Variants in LRP1B observed in about 807,000 individuals in gnomAD.
LRP1B encodes the protein low-density lipoprotein receptor-related protein 1B.
Under a neutral mutation model 556.6 loss-of-function variants are expected in LRP1B, and 217 were observed. The ratio of observed to expected loss-of-function variants is 0.39; its 90% confidence interval spans 0.35 to 0.44. The LOEUF (loss-of-function observed/expected upper bound fraction) is 0.44, where lower values mean the gene tolerates loss of function less well. LRP1B is among the 20% of genes least tolerant of loss of function. The pLI is 1.00. For synonymous variants in LRP1B, 2,047 were observed against 1,865.8 expected (o/e 1.10, Z -2.50); for missense variants, 5,053 against 5,620.8 (o/e 0.90, Z 3.23).
At chr2:141,706,909 AG>A (rs1185010023) in intron 2 of LRP1B, among the ~76,000 whole-genome samples, 1 of 152,126 alleles carries the variant, frequency 6.6e-6, no homozygotes, top group Non-Finnish European at 1.5e-5. Context: ...TTTCTATCTT[AG>A]GCAAAAAGCC....
chr2:140,510,660 C>T (rs887035933), intron 51 of LRP1B, among the ~76,000 whole-genome samples: 2 of 152,196 alleles, frequency 1.3e-5, no homozygotes, highest in African/African-American at 4.8e-5. Flanking sequence ...CATGTCATTA[C>T]TATTACTCTC....
intron 35 of LRP1B, among the ~76,000 whole-genome samples, chr2:140,724,341 T>C (rs1227692170): frequency 6.6e-6 from 1 of 152,068 alleles, no homozygotes; most frequent in Non-Finnish European, 1.5e-5. Flanking sequence ...AATAATAATT[T>C]TTAAAAGAAC....
At chr2:140,450,755 T>A in intron 62 of LRP1B, 94 bp from the exon 63 acceptor site, 1 of 770,728 alleles carries the variant, frequency 1.3e-6, no homozygotes. Context: ...AGTCTACTTT[T>A]TTGCTGCAGA....
chr2:142,053,563 A>G (rs1704548992), intron 1 of LRP1B, among the ~76,000 whole-genome samples: 1 of 152,154 alleles, frequency 6.6e-6, no homozygotes, highest in African/African-American at 2.4e-5. Flanking sequence ...TGTAAGCACA[A>G]CATTTACTTC....
intron 2 of LRP1B, among the ~76,000 whole-genome samples, chr2:141,700,075 A>T (rs1691884983): frequency 6.6e-6 from 1 of 151,582 alleles, no homozygotes; most frequent in Non-Finnish European, 1.5e-5. Context: ...GCATCAGTAC[A>T]TTTTCCTGCC....
At chr2:141,885,405 A>G (rs1699080575) in intron 1 of LRP1B, among the ~76,000 whole-genome samples, 2 of 152,196 alleles carry the variant, frequency 1.3e-5, no homozygotes, top group Non-Finnish European at 2.9e-5. Context: ...GATACAAAGA[A>G]TGTAAAGACA....
At chr2:141,881,694 T>C (rs1698962489) in intron 1 of LRP1B, among the ~76,000 whole-genome samples, 1 of 151,994 alleles carries the variant, frequency 6.6e-6, no homozygotes. Context: ...TTAGAAAAAC[T>C]ACCTACCTTT....
intron 2 of LRP1B, among the ~76,000 whole-genome samples, chr2:141,623,450 C>G (rs537684981): frequency 2.0e-4 from 31 of 152,276 alleles, no homozygotes; most frequent in African/African-American, 7.0e-4. Context: ...ATAATTTACA[C>G]CTTTGTCTTT....
intron 2 of LRP1B, among the ~76,000 whole-genome samples, chr2:141,523,876 A>G (rs1274966481): frequency 6.6e-6 from 1 of 152,156 alleles, no homozygotes; most frequent in Non-Finnish European, 1.5e-5. Flanking sequence ...AGCACATGCT[A>G]ATTGAACACC....
intron 29 of LRP1B, among the ~76,000 whole-genome samples, chr2:140,841,335 C>T (rs1692099065): frequency 6.6e-6 from 1 of 152,082 alleles, no homozygotes; most frequent in Non-Finnish European, 1.5e-5. Flanking sequence ...TTACACTAAC[C>T]GTCAATGATT....
At chr2:140,769,477 A>C (rs1689230303) in intron 34 of LRP1B, 133 bp from the exon 35 acceptor site, 12 of 936,464 alleles carry the variant, frequency 1.3e-5, no homozygotes, top group South Asian at 2.0e-5. Context: ...CCTTTTAAAA[A>C]AATTATTGTG....
At chr2:140,475,377 T>C (rs747896665) in intron 59 of LRP1B, 40 bp from the exon 60 acceptor site, 4 of 1,464,934 alleles carry the variant, frequency 2.7e-6, no homozygotes, top group Non-Finnish European at 3.8e-6. Context: ...TTACAGATTC[T>C]CTGGGAGCAA....
At chr2:140,482,004 G>T (rs1231895947) in intron 59 of LRP1B, among the ~76,000 whole-genome samples, 2 of 152,046 alleles carry the variant, frequency 1.3e-5, no homozygotes, top group African/African-American at 4.8e-5. Flanking sequence ...TACCATTCTT[G>T]TTCAGGAAGC....
At chr2:140,479,088 G>A (rs919480316) in intron 59 of LRP1B, among the ~76,000 whole-genome samples, 1 of 151,946 alleles carries the variant, frequency 6.6e-6, no homozygotes, top group Non-Finnish European at 1.5e-5. Flanking sequence ...GAAGGAAAAT[G>A]TTGTTCACCT....
In LRP1B at chr2:140,315,050, A is replaced by G. The variant is rs1466447592; in HGVS notation, c.12690T>C (p.Asn4230=). 1 of 1,610,868 alleles carries G rather than the reference A, an allele frequency of 6.2e-7. No homozygotes were observed. The highest frequency in any genetic ancestry group is 2.2e-5 in the East Asian group (1 of 44,716). ...AGTGACACCTCAAATCACCTTTCTC[A>G]TTTAAAATGCATCTTCCTCCATTTT... ...TCENGGRCIL[N]EKGDLRCHCW... is the part of the protein sequence containing the mutation. Residue 4230 remains asparagine (N), a synonymous_variant, in exon 83 of 91, where the codon AAT becomes AAC. Coordinates refer to ENST00000389484, the MANE Select transcript of LRP1B (RefSeq NM_018557.3).
intron 66 of LRP1B, among the ~76,000 whole-genome samples, chr2:140,414,053 G>A (rs1470211381): frequency 1.3e-5 from 2 of 151,966 alleles, no homozygotes; most frequent in African/African-American, 2.4e-5. Context: ...GTGACTGCAG[G>A]TGCATGGCAC....
chr2:141,396,190 A>G (rs549908877), intron 3 of LRP1B, among the ~76,000 whole-genome samples: 1 of 152,298 alleles, frequency 6.6e-6, no homozygotes, highest in South Asian at 2.1e-4. Context: ...AATGTAACTC[A>G]ATATATGAAG....
intron 3 of LRP1B, among the ~76,000 whole-genome samples, chr2:141,457,588 C>T (rs114148821): frequency 0.034 from 5,158 of 152,098 alleles, 142 homozygotes; most frequent in South Asian, 0.047. Flanking sequence ...TACCCTGGAA[C>T]TTAAAAATAA....
intron 2 of LRP1B, among the ~76,000 whole-genome samples, chr2:141,628,070 AGAGCAAACAGG>A (rs1187609512): frequency 4.6e-5 from 7 of 152,320 alleles, no homozygotes; most frequent in Admixed American, 3.3e-4. Flanking sequence ...GCTGGGTAAA[AGAGCAAACAGG>A]GTCTCTGATC....
Sources: gnomAD v4.1 joint callset for allele counts (sites outside exome capture counted in the v4.1 genomes callset) on GRCh38, gnomAD v4.1.1 for gene constraint, MANE v1.5 for transcripts, NCBI Gene and HGNC (gene_info 2026-07-23, HGNC 2026-07-21) for gene names.